The following CSGALNACT1 variants were observed in gnomAD, a reference collection of about 807,000 sequenced individuals.
CSGALNACT1 encodes chondroitin sulfate N-acetylgalactosaminyltransferase 1, also known as beta4GalNAcT-1.
Under a neutral mutation model 51.0 loss-of-function variants are expected in CSGALNACT1, and 52 were observed. The observed-to-expected ratio is 1.02, with a 90% CI of 0.82 to 1.29. The LOEUF is 1.29. CSGALNACT1 is among the 50% of genes most tolerant of loss of function. The pLI is 0.00. For synonymous variants in CSGALNACT1, 341 were observed against 254.4 expected, an observed-to-expected ratio of 1.34 and a Z score of -3.24; for missense variants, 935 against 679.2, an observed-to-expected ratio of 1.38 and a Z score of -4.19.
chr8:19,735,973 A>T (rs1309116008), intron 1 of CSGALNACT1, among the ~76,000 whole-genome samples: 1 of 152,186 alleles, frequency 6.6e-6, no homozygotes, highest in Non-Finnish European at 1.5e-5. Flanking sequence ...AATTTTCAAC[A>T]TTTGGTAAGT....
chr8:19,525,946 A>G (rs550928784), intron 3 of CSGALNACT1, among the ~76,000 whole-genome samples: 1 of 152,234 alleles, frequency 6.6e-6, no homozygotes, highest in East Asian at 1.9e-4. Context: ...CAAACCAGAA[A>G]CTAGGTCTAG....
chr8:19,721,641 A>G (rs1454401007), intron 1 of CSGALNACT1, among the ~76,000 whole-genome samples: 4 of 152,202 alleles, frequency 2.6e-5, no homozygotes, highest in African/African-American at 9.6e-5. Flanking sequence ...ACCACATTCC[A>G]TGACAAACAC....
At chr8:19,498,298 G>C (rs983970475) in intron 4 of CSGALNACT1, among the ~76,000 whole-genome samples, 3 of 152,100 alleles carry the variant, frequency 2.0e-5, no homozygotes, top group African/African-American at 7.2e-5. Flanking sequence ...ATACACACAT[G>C]TTGATTAAGC....
At chr8:19,422,171 A>G (rs751338860) in intron 6 of CSGALNACT1, among the ~76,000 whole-genome samples, 19 of 152,250 alleles carry the variant, frequency 1.2e-4, no homozygotes, top group Middle Eastern at 3.4e-3. Flanking sequence ...ACATATGTAC[A>G]TTATATATAC....
chr8:19,558,845 T>G (rs1000430227), intron 3 of CSGALNACT1, among the ~76,000 whole-genome samples: 1 of 152,196 alleles, frequency 6.6e-6, no homozygotes, highest in African/African-American at 2.4e-5. Context: ...GTCATCAACA[T>G]TCTTGGGAAG....
intron 6 of CSGALNACT1, among the ~76,000 whole-genome samples, chr8:19,425,479 T>C (rs1391427996): frequency 6.6e-6 from 1 of 152,192 alleles, no homozygotes; most frequent in Non-Finnish European, 1.5e-5. Context: ...AAAATGTAGA[T>C]TTACTGAGCA....
intron 1 of CSGALNACT1, among the ~76,000 whole-genome samples, chr8:19,736,911 C>A (rs922153944): frequency 3.0e-5 from 4 of 133,616 alleles, no homozygotes; most frequent in Non-Finnish European, 6.4e-5. Context: ...AGGAATCTCA[C>A]AAAACTCTGA....
intron 1 of CSGALNACT1, among the ~76,000 whole-genome samples, chr8:19,670,650 C>CAAAAAAAAAAAAAAAAAAAAAAAAAAAAA (rs752256046): frequency 1.1e-5 from 1 of 92,848 alleles, no homozygotes; most frequent in Non-Finnish European, 1.9e-5. Flanking sequence ...CTACTGAAGA[C>CAAAAAAAAAAAAAAAAAAAAAAAAAAAAA]AAAAAAAAAA....
chr8:19,517,781 A>G (rs2079855078), intron 3 of CSGALNACT1, among the ~76,000 whole-genome samples: 1 of 152,216 alleles, frequency 6.6e-6, no homozygotes, highest in African/African-American at 2.4e-5. Context: ...AACCACACCC[A>G]TGATTCAATT....
intron 3 of CSGALNACT1, among the ~76,000 whole-genome samples, chr8:19,546,787 G>A (rs190828041): frequency 3.5e-4 from 54 of 152,284 alleles, no homozygotes; most frequent in African/African-American, 1.3e-3. Flanking sequence ...AAACACAGGT[G>A]ACTAGGAAGG....
intron 3 of CSGALNACT1, among the ~76,000 whole-genome samples, chr8:19,557,071 C>A (rs67210305): frequency 2.3e-4 from 35 of 151,772 alleles, no homozygotes; most frequent in Non-Finnish European, 2.8e-4. Context: ...TTCTAAAATG[C>A]TTTATTCAGG....
At chr8:19,748,252 C>T (rs2154252472) in intron 1 of CSGALNACT1, among the ~76,000 whole-genome samples, 1 of 152,252 alleles carries the variant, frequency 6.6e-6, no homozygotes, top group East Asian at 1.9e-4. Flanking sequence ...AGGAATTCAT[C>T]CTTTAACAGC....
intron 5 of CSGALNACT1, among the ~76,000 whole-genome samples, chr8:19,449,909 T>A (rs1423352844): frequency 1.3e-5 from 2 of 151,698 alleles, no homozygotes; most frequent in Non-Finnish European, 2.9e-5. Flanking sequence ...AATCTATAGC[T>A]TTGTTATTAT....
intron 3 of CSGALNACT1, among the ~76,000 whole-genome samples, chr8:19,522,715 C>T (rs1268526347): frequency 6.6e-6 from 1 of 152,192 alleles, no homozygotes; most frequent in South Asian, 2.1e-4. Context: ...TGGCAGCAAG[C>T]ACATTTGGGA....
At chr8:19,751,951 T>C (rs1311916104) in intron 1 of CSGALNACT1, among the ~76,000 whole-genome samples, 1 of 151,880 alleles carries the variant, frequency 6.6e-6, no homozygotes. Context: ...TTTACATCAT[T>C]GTGAGAACAG....
chr8:19,488,172 A>G (rs2073451307), intron 4 of CSGALNACT1, among the ~76,000 whole-genome samples: 1 of 151,746 alleles, frequency 6.6e-6, no homozygotes, highest in Non-Finnish European at 1.5e-5. Context: ...CAAAATAGTG[A>G]AACTCCATCT....
chr8:19,751,348 C>T (rs1336367795), intron 1 of CSGALNACT1, among the ~76,000 whole-genome samples: 1 of 152,152 alleles, frequency 6.6e-6, no homozygotes, highest in East Asian at 1.9e-4. Flanking sequence ...ACATACCACA[C>T]TAAGCAGAGT....
chr8:19,712,335 G>A (rs748167861), intron 1 of CSGALNACT1, among the ~76,000 whole-genome samples: 48 of 152,228 alleles, frequency 3.2e-4, no homozygotes, highest in Non-Finnish European at 5.9e-4. Context: ...AGAACTCAGA[G>A]CTCTTCAACA....
chr8:19,544,128 G>T (rs987567741), intron 3 of CSGALNACT1, among the ~76,000 whole-genome samples: 1 of 150,928 alleles, frequency 6.6e-6, no homozygotes, highest in Non-Finnish European at 1.5e-5. Context: ...TATGGGAAAA[G>T]AATAGTTTGG....
Sources: allele counts gnomAD v4.1 joint callset (sites outside exome capture counted in the v4.1 genomes callset), GRCh38; gene constraint gnomAD v4.1.1; transcripts MANE v1.5; gene names NCBI Gene and HGNC (gene_info 2026-07-23, HGNC 2026-07-21).